Variants in CSF1R observed in about 807,000 individuals in gnomAD.
CSF1R encodes the protein colony stimulating factor 1 receptor, also known as macrophage colony-stimulating factor 1 receptor.
In CSF1R, 40 loss-of-function variants were observed where a neutral mutation model predicts 110.0. The observed-to-expected ratio is 0.36, with a 90% confidence interval of 0.28 to 0.47. The LOEUF (loss-of-function observed/expected upper bound fraction) is 0.47, where lower values mean the gene tolerates loss of function less well. Among genes scored for constraint, CSF1R ranks in the 20% least tolerant of loss-of-function variants. The probability of loss-of-function intolerance (pLI) is 0.99; values close to 1 mark genes in which losing one functional copy is unlikely to be tolerated. For missense variants in CSF1R, 1,052 were observed against 1,253.0 expected, an observed-to-expected ratio of 0.84 and a Z score of 2.42; for synonymous variants, 523 against 503.4, an observed-to-expected ratio of 1.04 and a Z score of -0.52.
intron 1 of CSF1R, among the ~76,000 whole-genome samples, chr5:150,109,488 C>T (rs1474324543): frequency 1.3e-5 from 2 of 152,190 alleles, no homozygotes; most frequent in Non-Finnish European, 2.9e-5. Flanking sequence ...GCCAAGTCCT[C>T]TGGGTGTTTC....
In CSF1R at chr5:150,056,179, A is replaced by AC. The variant is rs1191638727; in HGVS notation, c.2442+39dup. ...CAGTTATTTTGGGCCCCGACTCTTC[A>AC]CCCCCTCCCCAGCCTGGCCCAAGCC... On this transcript the variant is annotated intron_variant, in intron 17 of 20. Transcript: ENST00000675795. The AC allele has an allele frequency of 3.1e-6, 5 of 1,613,592 alleles. No homozygotes were observed. The African/African-American group carries it at 4.0e-5, about 13-fold the overall frequency.
At position 150,078,194 on chromosome 5, in the gene CSF1R, C is replaced by A; in HGVS notation, c.647G>T (p.Arg216Leu). Residue 216 changes from arginine (R) to leucine (L), a missense_variant, in exon 4 of 21, where the codon CGA (arginine) becomes CTA (leucine). Arg to Leu is a moderately radical substitution (Grantham distance 102). Transcript: ENST00000675795. ...TLVPAELVRI[R>L]GEAAQIVCSA... ...GCACACGATCTGGGCAGCCTCCCCT[C>A]GAATCCGCACCAGCTCTGCAGGCAC... is the stretch of plus-strand genomic sequence containing the variant. 1 of 1,614,108 alleles carries A rather than the reference C, an allele frequency of 6.2e-7. No homozygotes were observed. The highest frequency in any genetic ancestry group is 1.1e-5 in the South Asian group (1 of 91,072).
At chr5:150,059,899 G>A in intron 13 of CSF1R, 37 bp from the exon 14 acceptor site, 2 of 1,584,330 alleles carry the variant, frequency 1.3e-6, no homozygotes, top group Non-Finnish European at 1.7e-6. Flanking sequence ...GGGAGGTGCT[G>A]AGTGCTCCCC....
At chr5:150,112,368 G>C (rs1759746733) in intron 1 of CSF1R, among the ~76,000 whole-genome samples, 1 of 152,206 alleles carries the variant, frequency 6.6e-6, no homozygotes, top group African/African-American at 2.4e-5. Context: ...GACAGCCCTG[G>C]GGCATAGTAA....
At chr5:150,111,023 T>C (rs1759701323) in intron 1 of CSF1R, among the ~76,000 whole-genome samples, 1 of 152,118 alleles carries the variant, frequency 6.6e-6, no homozygotes, top group African/African-American at 2.4e-5. Context: ...AAGTTATAGT[T>C]GCACAAATTA....
chr5:150,073,003 A>G (rs1417452308), intron 6 of CSF1R, among the ~76,000 whole-genome samples: 1 of 152,150 alleles, frequency 6.6e-6, no homozygotes, highest in Non-Finnish European at 1.5e-5. Context: ...AATGAGGCTG[A>G]GGGTTCTTGA....
intron 10 of CSF1R, among the ~76,000 whole-genome samples, chr5:150,063,899 C>T (rs142839594): frequency 5.3e-5 from 8 of 152,232 alleles, no homozygotes; most frequent in East Asian, 1.9e-4. Flanking sequence ...CCTGGGCACC[C>T]GAGCTAGAAA....
intron 1 of CSF1R, among the ~76,000 whole-genome samples, chr5:150,084,014 A>C (rs553487805): frequency 3.3e-5 from 5 of 152,274 alleles, no homozygotes; most frequent in African/African-American, 1.2e-4. Flanking sequence ...TCTCGCCAGC[A>C]TGTCCTTAAC....
chr5:150,054,568 T>A, intron 19 of CSF1R, 138 bp from the exon 20 acceptor site: 1 of 644,876 alleles, frequency 1.6e-6, no homozygotes, highest in East Asian at 2.8e-5. Flanking sequence ...CTATGCCAAG[T>A]CCTTGGCATG....
chr5:150,077,316 C>A lies in CSF1R; in HGVS notation c.849G>T (p.Val283=). The A allele has an allele frequency of 6.2e-7, 1 of 1,614,212 alleles. No homozygotes were observed. Among genetic ancestry groups the A allele is most frequent in the Non-Finnish European group, 8.5e-7 (1 of 1,180,038 alleles). Residue 283 remains valine, a synonymous_variant, in exon 5 of 21, where the codon GTG becomes GTT. Transcript: ENST00000675795. The part of the protein sequence containing the change: ...AGNYSCVASN[V]QGKHSTSMFF... ...ACATGGAGGTGGAGTGCTTGCCCTG[C>A]ACGTTGCTGGCCACGCAGGAGTAGT... is the stretch of plus-strand genomic sequence containing the variant.
chr5:150,080,013 C>T, intron 3 of CSF1R, 39 bp downstream of exon 3: 1 of 1,593,190 alleles, frequency 6.3e-7, no homozygotes, highest in South Asian at 1.1e-5. Flanking sequence ...TCTGTCCCCA[C>T]TCTTCAGGCC....
At chr5:150,113,235 C>T (rs1212733915) in intron 1 of CSF1R, 1 of 154,082 alleles carries the variant, frequency 6.5e-6, no homozygotes, top group African/African-American at 2.4e-5. Flanking sequence ...GCCTGGTCGC[C>T]ACCCTATTCC....
intron 19 of CSF1R, 143 bp from the exon 20 acceptor site, chr5:150,054,573 G>A (rs1757105392): frequency 1.1e-5 from 7 of 634,526 alleles, no homozygotes; most frequent in Non-Finnish European, 1.6e-5. Flanking sequence ...CCAAGTCCTT[G>A]GCATGCTTTA....
At chr5:150,060,007 G>C in intron 13 of CSF1R, 145 bp from the exon 14 acceptor site, 1 of 915,686 alleles carries the variant, frequency 1.1e-6, no homozygotes. Flanking sequence ...AAGTTTCCTT[G>C]TGCCTCAGTA....
chr5:150,097,448 G>A (rs1449695805), intron 1 of CSF1R, among the ~76,000 whole-genome samples: 1 of 151,824 alleles, frequency 6.6e-6, no homozygotes, highest in East Asian at 1.9e-4. Flanking sequence ...AAAGAAAAAA[G>A]AAAGAAAGTG....
chr5:150,070,191 T>G lies in CSF1R; in HGVS notation c.1310A>C (p.His437Pro). ...PNVTWLQCSG[H>P]TDRCDEAQVL... Reference sequence around the variant, plus strand: ...AGTGGAGCCCACTTACCTATCAGTGTGGCCACTGCACTGCAGCCATGTCAC... The same window carrying G: ...AGTGGAGCCCACTTACCTATCAGTGGGGCCACTGCACTGCAGCCATGTCAC... Residue 437 changes from histidine (H) to proline (P), a missense_variant, in exon 8 of 21, where the codon CAC becomes CCC. His to Pro is a moderately conservative substitution (Grantham distance 77, BLOSUM62 -2). Transcript: ENST00000675795. 1 of 1,613,854 alleles carries G rather than the reference T, an allele frequency of 6.2e-7. No homozygotes were observed. The highest frequency in any genetic ancestry group is 8.5e-7 in the Non-Finnish European group (1 of 1,179,894).
At chr5:150,078,292 C>A in intron 3 of CSF1R, 44 bp from the exon 4 acceptor site, 1 of 1,609,262 alleles carries the variant, frequency 6.2e-7, no homozygotes, top group Non-Finnish European at 8.5e-7. Flanking sequence ...GCTCCCTGAA[C>A]ATGATAGAGA....
chr5:150,091,176 C>G (rs1348040401), upstream of CSF1R, among the ~76,000 whole-genome samples: 3 of 152,042 alleles, frequency 2.0e-5, no homozygotes, highest in Non-Finnish European at 4.4e-5. Flanking sequence ...AACCTTTGTA[C>G]AATGTTGGTG....
At position 150,080,862 on chromosome 5, in the gene CSF1R, G is replaced by T. The variant is rs1259778590; in HGVS notation, c.212C>A (p.Thr71Asn). The change falls in exon 2 of 21, where the codon ACC becomes AAC. Residue 71 changes from threonine (T) to asparagine (N), a missense_variant. Thr to Asn is a moderately conservative substitution (Grantham distance 65, BLOSUM62 0). This residue lies in a region of CSF1R where 693 missense variants were observed against 735.4 expected (regional missense o/e 0.94). Coordinates refer to ENST00000675795, the MANE Select transcript of CSF1R (RefSeq NM_001288705.3). ...YSDGSSSILS[T>N]NNATFQNTGT... Reference sequence around the variant, plus strand: ...CGTGTTTTGGAAGGTAGCGTTGTTGGTGCTGAGGATGCTGCTGGAGCCATC... The same window carrying T: ...CGTGTTTTGGAAGGTAGCGTTGTTGTTGCTGAGGATGCTGCTGGAGCCATC... The T allele has an allele frequency of 1.2e-6, 2 of 1,614,064 alleles. No individual in the cohort carries two copies. Among genetic ancestry groups the T allele is most frequent in the Non-Finnish European group, 8.5e-7 (1 of 1,180,036 alleles).
Sources: gnomAD v4.1 joint callset for allele counts (sites outside exome capture counted in the v4.1 genomes callset) on GRCh38, gnomAD v4.1.1 for gene constraint, gnomAD v4.1.1 regional missense constraint, MANE v1.5 for transcripts, NCBI Gene and HGNC (gene_info 2026-07-23, HGNC 2026-07-21) for gene names.